The following ATP6V1E1 variants were observed in gnomAD, a reference collection of about 807,000 sequenced individuals.
The protein encoded by ATP6V1E1 is V-type proton ATPase subunit E 1.
ATP6V1E1 carries 21 observed loss-of-function variants against 35.2 expected under a neutral mutation model. The observed-to-expected ratio is 0.60, with a 90% CI of 0.42 to 0.86. The LOEUF is 0.86. Ranked by LOEUF, ATP6V1E1 falls within the 40% of genes least tolerant of loss-of-function variation. The pLI is 0.00. For missense variants in ATP6V1E1, 183 were observed against 272.6 expected, an observed-to-expected ratio of 0.67 and a Z score of 2.32; for synonymous variants, 83 against 87.8, an observed-to-expected ratio of 0.95 and a Z score of 0.30.
intron 8 of ATP6V1E1, among the ~76,000 whole-genome samples, chr22:17,594,151 A>G (rs867658722): frequency 3.9e-5 from 6 of 152,144 alleles, no homozygotes; most frequent in Admixed American, 2.0e-4. Flanking sequence ...GCAGTGAGCC[A>G]AGACTGCACT....
At chr22:17,612,649 A>G (rs1372277598) in intron 4 of ATP6V1E1, 163 bp downstream of exon 4, 1 of 646,434 alleles carries the variant, frequency 1.5e-6, no homozygotes, top group African/African-American at 1.9e-5. Flanking sequence ...CCTTCAATAC[A>G]GGCCTTGGCT....
intron 1 of ATP6V1E1, among the ~76,000 whole-genome samples, chr22:17,626,538 G>T (rs1170058780): frequency 1.3e-5 from 2 of 150,606 alleles, no homozygotes; most frequent in Non-Finnish European, 3.0e-5. Context: ...ACCACACCTG[G>T]CAATTTTTTT....
At chr22:17,601,261 T>C in intron 4 of ATP6V1E1, 80 bp from the exon 5 acceptor site, 1 of 1,146,186 alleles carries the variant, frequency 8.7e-7, no homozygotes, top group Non-Finnish European at 1.3e-6. Context: ...TGATCCTGGC[T>C]CATGCCCAGC....
rs3044548 is a variant in ATP6V1E1, at chr22:17,605,693, CTTTT to C, written c.277-4516_277-4513del. Among the ~76,000 whole-genome samples the C allele has an allele frequency of 2.2e-4, 23 of 103,992 alleles. No individual in the cohort carries two copies. In the South Asian group the frequency reaches 6.0e-3, roughly 27 times the overall value. 68.2% of individuals were successfully genotyped at this position (103,992 alleles called of 152,430 possible). Reference sequence around the variant, plus strand: ...AAATAAGCTTTAGGTAGATGTTTCTCTTTTTTTTTTTTTTTTTTTTTTGAGACAG... The same window carrying C: ...AAATAAGCTTTAGGTAGATGTTTCTCTTTTTTTTTTTTTTTTTTGAGACAG... On this transcript the variant is annotated intron_variant, in intron 4 of 8. Coordinates refer to ENST00000253413, the MANE Select transcript of ATP6V1E1 (RefSeq NM_001696.4).
intron 4 of ATP6V1E1, 200 bp downstream of exon 4, chr22:17,612,612 T>C (rs1568888603): frequency 1.8e-6 from 1 of 540,940 alleles, no homozygotes; most frequent in East Asian, 3.3e-5. Flanking sequence ...TCCAGGAGAG[T>C]CTTACATGCT....
At chr22:17,601,239 C>A in intron 4 of ATP6V1E1, 58 bp from the exon 5 acceptor site, 1 of 1,413,144 alleles carries the variant, frequency 7.1e-7, no homozygotes, top group Non-Finnish European at 9.9e-7. Flanking sequence ...GGCTCAGAAC[C>A]CACTGTGAGG....
intron 4 of ATP6V1E1, among the ~76,000 whole-genome samples, chr22:17,609,929 C>G (rs889986653): frequency 6.6e-6 from 1 of 152,132 alleles, no homozygotes; most frequent in African/African-American, 2.4e-5. Context: ...AATGAATGAT[C>G]TGAATTTTAG....
chr22:17,601,211 C>T (rs1433560880), intron 4 of ATP6V1E1, 30 bp from the exon 5 acceptor site: 1 of 1,594,310 alleles, frequency 6.3e-7, no homozygotes, highest in Non-Finnish European at 8.6e-7. Flanking sequence ...TAAAAGTTAT[C>T]TACACATCTG....
At chr22:17,605,205 CAAAAAAAAA>C (rs898076791) in intron 4 of ATP6V1E1, among the ~76,000 whole-genome samples, 1 of 54,882 alleles carries the variant, frequency 1.8e-5, no homozygotes, top group East Asian at 6.6e-4. Flanking sequence ...GACTTCATCT[CAAAAAAAAA>C]AAAAAAAAAG....
At chr22:17,597,018 G>A (rs1324906361) in intron 7 of ATP6V1E1, among the ~76,000 whole-genome samples, 1 of 151,968 alleles carries the variant, frequency 6.6e-6, no homozygotes, top group Non-Finnish European at 1.5e-5. Context: ...CGAGCGGGCA[G>A]ATCACGAGGT....
intron 4 of ATP6V1E1, chr22:17,612,563 A>G (rs1017982029): frequency 1.3e-5 from 5 of 393,692 alleles, no homozygotes; most frequent in African/African-American, 1.0e-4. Flanking sequence ...CTGTACCCTC[A>G]TGTACTACTG....
intron 4 of ATP6V1E1, among the ~76,000 whole-genome samples, chr22:17,606,913 A>G (rs1227845510): frequency 6.6e-6 from 1 of 152,136 alleles, no homozygotes; most frequent in East Asian, 1.9e-4. Context: ...ATTCTCCAAC[A>G]TAACTGCTTT....
In ATP6V1E1 at chr22:17,592,826, G is replaced by A. The variant is rs1409646448; in HGVS notation, c.619-90C>T. Reference sequence around the variant, plus strand: ...TTTTTTTTTTTTTTTTTTTTGAGACGGAGTCTCGCTCTGTCGCCCAGGCTG... The same window carrying A: ...TTTTTTTTTTTTTTTTTTTTGAGACAGAGTCTCGCTCTGTCGCCCAGGCTG... On this transcript the variant is annotated intron_variant, in intron 8 of 8. Transcript: ENST00000253413. 154 of 1,146,310 alleles carry A rather than the reference G, an allele frequency of 1.3e-4. No individual in the cohort carries two copies. In the African/African-American group the frequency reaches 1.9e-3, roughly 14 times the overall value. 71.0% of individuals were successfully genotyped at this position (1,146,310 alleles called of 1,614,324 possible).
chr22:17,610,045 C>G (rs2057807580), intron 4 of ATP6V1E1, among the ~76,000 whole-genome samples: 2 of 152,066 alleles, frequency 1.3e-5, no homozygotes, highest in South Asian at 2.1e-4. Context: ...GTGGGAAGGA[C>G]TGCTTGAGCC....
chr22:17,625,200 G>A (rs35011727), intron 1 of ATP6V1E1, among the ~76,000 whole-genome samples: 14,031 of 152,142 alleles, frequency 0.092, 701 homozygotes, highest in Middle Eastern at 0.12. Context: ...ATACCCACTC[G>A]TCTTAGTGCA....
At chr22:17,610,873 A>G (rs945377520) in intron 4 of ATP6V1E1, among the ~76,000 whole-genome samples, 3 of 152,208 alleles carry the variant, frequency 2.0e-5, no homozygotes, top group Non-Finnish European at 4.4e-5. Flanking sequence ...GGGAACTAAC[A>G]TTTTTTAAAC....
At chr22:17,601,049 C>A (rs2057759316) in intron 5 of ATP6V1E1, 43 bp downstream of exon 5, 24 of 1,534,446 alleles carry the variant, frequency 1.6e-5, no homozygotes, top group Non-Finnish European at 2.1e-5. Context: ...TAAATTTTCT[C>A]AGAACTGTGG....
intron 4 of ATP6V1E1, among the ~76,000 whole-genome samples, chr22:17,607,228 G>C (rs1209189936): frequency 6.6e-6 from 1 of 151,728 alleles, no homozygotes; most frequent in Non-Finnish European, 1.5e-5. Context: ...CGTGATCCTG[G>C]CTCACTGCAA....
chr22:17,625,558 G>T (rs2057899747), intron 1 of ATP6V1E1, among the ~76,000 whole-genome samples: 1 of 152,142 alleles, frequency 6.6e-6, no homozygotes, highest in Admixed American at 6.6e-5. Context: ...TGGGATTACA[G>T]GCGTGAGCCG....
Sources: gnomAD v4.1 joint callset for allele counts (sites outside exome capture counted in the v4.1 genomes callset) on GRCh38, gnomAD v4.1.1 for gene constraint, MANE v1.5 for transcripts, NCBI Gene and HGNC (gene_info 2026-07-23, HGNC 2026-07-21) for gene names.